The following CNTN4 variants were observed in gnomAD, a reference collection of about 807,000 sequenced individuals.
CNTN4 encodes contactin-4.
A neutral mutation model predicts 122.5 loss-of-function variants in CNTN4; 77 were observed. The observed-to-expected ratio is 0.63, with a 90% CI of 0.52 to 0.76. CNTN4 has a LOEUF of 0.76. CNTN4 is among the 30% of genes least tolerant of loss of function. CNTN4 has a pLI of 0.00. For synonymous variants in CNTN4, 512 were observed against 447.0 expected (o/e 1.15, Z -1.83); for missense variants, 1,256 against 1,259.1 (o/e 1.00, Z 0.04).
chr3:2,227,284 A>G (rs1346108963), intron 2 of CNTN4, among the ~76,000 whole-genome samples: 1 of 152,144 alleles, frequency 6.6e-6, no homozygotes, highest in Non-Finnish European at 1.5e-5. Context: ...GTAGATGATA[A>G]AATATGGATA....
chr3:2,758,843 A>G (rs1218522279), intron 6 of CNTN4, among the ~76,000 whole-genome samples: 1 of 152,090 alleles, frequency 6.6e-6, no homozygotes, highest in Admixed American at 6.5e-5. Context: ...ATCTTTGTTA[A>G]GATACCATAC....
chr3:3,046,941 G>C (rs7634011), intron 23 of CNTN4, among the ~76,000 whole-genome samples: 2,195 of 111,832 alleles, frequency 0.02, 64 homozygotes, highest in African/African-American at 0.034. Flanking sequence ...ATCTACCAAG[G>C]AAATGGAAAA....
rs137927481 is a variant in CNTN4, at chr3:2,782,465, C to CTGTGTGTGTGTG, written c.358+36808_358+36819dup. ...CATAACTGATTCCTACCTTCTTATT[C>CTGTGTGTGTGTG]TGTGTGTGTGTGTGTGTGTGTGTGT... On this transcript the variant is annotated intron_variant, in intron 6 of 24. Transcript: ENST00000418658. Among the ~76,000 whole-genome samples, 804 of 133,268 alleles carry CTGTGTGTGTGTG rather than the reference C, an allele frequency of 6.0e-3. 8 individuals carry two copies. Among genetic ancestry groups the CTGTGTGTGTGTG allele is most frequent in the Non-Finnish European group, 7.6e-3 (479 of 63,104 alleles). 87.4% of individuals were successfully genotyped at this position (133,268 alleles called of 152,430 possible).
intron 5 of CNTN4, among the ~76,000 whole-genome samples, chr3:2,741,170 A>G (rs577513695): frequency 6.6e-5 from 10 of 152,210 alleles, no homozygotes. Flanking sequence ...AATCAACTCT[A>G]CAACATGCTT....
intron 7 of CNTN4, among the ~76,000 whole-genome samples, chr3:2,825,866 A>G (rs2150325738): frequency 6.6e-6 from 1 of 152,264 alleles, no homozygotes; most frequent in East Asian, 1.9e-4. Context: ...TAAAATTTTC[A>G]TCTTTAGATT....
chr3:3,023,732 C>A (rs536850284), intron 14 of CNTN4, among the ~76,000 whole-genome samples: 4 of 152,202 alleles, frequency 2.6e-5, no homozygotes, highest in African/African-American at 7.2e-5. Context: ...CTACCTGACA[C>A]GTGCAGTGAA....
intron 4 of CNTN4, among the ~76,000 whole-genome samples, chr3:2,583,739 T>C (rs1200963049): frequency 6.6e-6 from 1 of 152,248 alleles, no homozygotes; most frequent in Non-Finnish European, 1.5e-5. Flanking sequence ...ATTCATTTAA[T>C]AACAATTTGT....
intron 3 of CNTN4, among the ~76,000 whole-genome samples, chr3:2,542,982 A>C (rs2149309387): frequency 6.6e-6 from 1 of 152,248 alleles, no homozygotes. Context: ...ATAGAATAGA[A>C]GTGGAAATCA....
At chr3:2,563,391 T>C (rs1357516453) in intron 3 of CNTN4, among the ~76,000 whole-genome samples, 2 of 152,216 alleles carry the variant, frequency 1.3e-5, no homozygotes, top group Non-Finnish European at 2.9e-5. Flanking sequence ...CATATTGTTG[T>C]TTACCTTCAA....
intron 2 of CNTN4, among the ~76,000 whole-genome samples, chr3:2,116,009 C>G (rs985252144): frequency 1.3e-5 from 2 of 152,144 alleles, no homozygotes; most frequent in African/African-American, 4.8e-5. Flanking sequence ...AAATCTTTCT[C>G]GAAGGTGCTT....
intron 21 of CNTN4, among the ~76,000 whole-genome samples, chr3:3,042,657 G>A (rs1017106334): frequency 9.2e-5 from 14 of 152,128 alleles, no homozygotes; most frequent in Non-Finnish European, 1.5e-4. Context: ...AAGCATTTAC[G>A]GGATGGTTGG....
At chr3:2,173,916 G>T (rs1191532921) in intron 2 of CNTN4, among the ~76,000 whole-genome samples, 3 of 152,168 alleles carry the variant, frequency 2.0e-5, no homozygotes, top group Non-Finnish European at 4.4e-5. Flanking sequence ...CTCAAAGAGG[G>T]TAGCTGTTGT....
At position 2,389,253 on chromosome 3, in the gene CNTN4, TATCTTCAC is replaced by T. The variant is rs1251258505; in HGVS notation, c.-89+50021_-89+50028del. ...AAAGAATACCCTTTTCACCGTGATC[TATCTTCAC>T]GTGGCTGCAGCCTTCTCATTATGTT... On this transcript the variant is annotated intron_variant, in intron 3 of 24. Transcript: ENST00000418658. Among the ~76,000 whole-genome samples the T allele has an allele frequency of 3.0e-3, 345 of 116,428 alleles. 1 individual carries two copies. Among genetic ancestry groups the T allele is most frequent in the Non-Finnish European group, 5.7e-3 (263 of 46,258 alleles). 76.4% of individuals were successfully genotyped at this position (116,428 alleles called of 152,430 possible).
intron 7 of CNTN4, among the ~76,000 whole-genome samples, chr3:2,843,718 A>G (rs2150548734): frequency 6.6e-6 from 1 of 152,216 alleles, no homozygotes; most frequent in South Asian, 2.1e-4. Flanking sequence ...CTTCCACCTT[A>G]GTAAAAGCTT....
At chr3:2,846,418 G>A (rs151060140) in intron 7 of CNTN4, among the ~76,000 whole-genome samples, 1 of 152,144 alleles carries the variant, frequency 6.6e-6, no homozygotes, top group East Asian at 1.9e-4. Flanking sequence ...CACCATGATT[G>A]TAAGTTTCCT....
rs150324498 is a variant in CNTN4, at chr3:2,755,728, A to G, written c.358+10031A>G. ...GTTTGTGACATAAGACAATCAATGA[A>G]GTATAGAGATTGCTTTAAATTCAAG... On this transcript the variant is annotated intron_variant, in intron 6 of 24. Transcript: ENST00000418658. Among the ~76,000 whole-genome samples, 261 of 152,324 alleles carry G rather than the reference A, an allele frequency of 1.7e-3. 1 individual carries two copies. Among genetic ancestry groups the G allele is most frequent in the African/African-American group, 5.7e-3 (237 of 41,580 alleles).
intron 6 of CNTN4, among the ~76,000 whole-genome samples, chr3:2,790,821 AT>A (rs1248388280): frequency 6.6e-6 from 1 of 152,150 alleles, no homozygotes; most frequent in Non-Finnish European, 1.5e-5. Flanking sequence ...AAATGATCTT[AT>A]TTTTTATGCA....
intron 7 of CNTN4, among the ~76,000 whole-genome samples, chr3:2,820,929 A>G (rs2092851764): frequency 7.4e-6 from 1 of 135,784 alleles, no homozygotes; most frequent in Non-Finnish European, 1.6e-5. Flanking sequence ...GTTCTTTTAT[A>G]TTCTTTTTCT....
chr3:2,770,250 G>C (rs766529080), intron 6 of CNTN4, among the ~76,000 whole-genome samples: 1 of 152,108 alleles, frequency 6.6e-6, no homozygotes, highest in Non-Finnish European at 1.5e-5. Flanking sequence ...AGCTGGTCTT[G>C]AACTCCTGAC....
Sources: allele counts gnomAD v4.1 joint callset (sites outside exome capture counted in the v4.1 genomes callset), GRCh38; gene constraint gnomAD v4.1.1; transcripts MANE v1.5; gene names NCBI Gene and HGNC (gene_info 2026-07-23, HGNC 2026-07-21).